The following ST6GALNAC5 variants were observed in gnomAD, a reference collection of about 807,000 sequenced individuals.
The protein encoded by ST6GALNAC5 is ST6 N-acetylgalactosaminide alpha-2,6-sialyltransferase 5.
Under a neutral mutation model 33.6 loss-of-function variants are expected in ST6GALNAC5, and 27 were observed. The observed-to-expected ratio is 0.80, with a 90% CI of 0.59 to 1.11. ST6GALNAC5 has a LOEUF of 1.11. Among genes scored for constraint, ST6GALNAC5 ranks in the 50% least tolerant of loss-of-function variants. ST6GALNAC5 has a pLI of 0.00. For synonymous variants in ST6GALNAC5, 194 were observed against 171.2 expected (o/e 1.13, Z -1.04); for missense variants, 428 against 454.0 (o/e 0.94, Z 0.52).
chr1:76,972,203 G>A (rs1484700666), intron 2 of ST6GALNAC5, among the ~76,000 whole-genome samples: 1 of 152,184 alleles, frequency 6.6e-6, no homozygotes, highest in Non-Finnish European at 1.5e-5. Flanking sequence ...CAGCAGGCAA[G>A]AAGAGAGCGT....
At chr1:77,051,602 A>C (rs1459709446) in intron 4 of ST6GALNAC5, among the ~76,000 whole-genome samples, 2 of 152,212 alleles carry the variant, frequency 1.3e-5, no homozygotes, top group Non-Finnish European at 2.9e-5. Context: ...AATACATGTG[A>C]AATGCTTGGA....
intron 2 of ST6GALNAC5, among the ~76,000 whole-genome samples, chr1:76,870,244 A>G (rs925190579): frequency 6.6e-6 from 1 of 152,176 alleles, no homozygotes; most frequent in Non-Finnish European, 1.5e-5. Context: ...GAGTTCTAGG[A>G]AAGTTTAGAC....
At chr1:76,900,491 T>C (rs928725885) in intron 2 of ST6GALNAC5, among the ~76,000 whole-genome samples, 3 of 152,208 alleles carry the variant, frequency 2.0e-5, no homozygotes, top group African/African-American at 7.2e-5. Flanking sequence ...AAACATTTAA[T>C]GTTATCCCAG....
chr1:77,002,884 A>G (rs1650233170), intron 2 of ST6GALNAC5, among the ~76,000 whole-genome samples: 1 of 123,922 alleles, frequency 8.1e-6, no homozygotes, highest in African/African-American at 3.1e-5. Flanking sequence ...GTTCTTTTAC[A>G]TTTGCTGAGG....
At chr1:76,872,977 C>A (rs954044923) in intron 2 of ST6GALNAC5, among the ~76,000 whole-genome samples, 4 of 152,184 alleles carry the variant, frequency 2.6e-5, no homozygotes, top group Admixed American at 6.5e-5. Context: ...AAATACTTAA[C>A]CTTCCTTAAA....
chr1:76,984,634 A>G (rs1649405101), intron 2 of ST6GALNAC5, among the ~76,000 whole-genome samples: 1 of 152,238 alleles, frequency 6.6e-6, no homozygotes, highest in Non-Finnish European at 1.5e-5. Flanking sequence ...TAATCAATAG[A>G]AAAAGAGGGA....
chr1:77,047,559 A>G (rs996873584), intron 3 of ST6GALNAC5, among the ~76,000 whole-genome samples: 8 of 152,246 alleles, frequency 5.3e-5, no homozygotes, highest in Non-Finnish European at 7.3e-5. Flanking sequence ...AAAGTGGCTC[A>G]GGAACAATCT....
intron 2 of ST6GALNAC5, among the ~76,000 whole-genome samples, chr1:76,973,850 A>G (rs1236707225): frequency 6.6e-6 from 1 of 152,164 alleles, no homozygotes; most frequent in East Asian, 1.9e-4. Context: ...TAAGATGCCA[A>G]CCTTTTCCTA....
At chr1:76,935,236 G>A (rs778759807) in intron 2 of ST6GALNAC5, among the ~76,000 whole-genome samples, 3 of 151,922 alleles carry the variant, frequency 2.0e-5, no homozygotes, top group South Asian at 2.1e-4. Flanking sequence ...AATAAATAAC[G>A]ACAGTGTGTC....
intron 2 of ST6GALNAC5, among the ~76,000 whole-genome samples, chr1:76,944,498 C>T (rs914096851): frequency 6.6e-6 from 1 of 152,018 alleles, no homozygotes; most frequent in Admixed American, 6.6e-5. Context: ...ATTTATTCTG[C>T]AACTTCTCCC....
At chr1:77,048,074 A>G (rs906873266) in intron 3 of ST6GALNAC5, among the ~76,000 whole-genome samples, 2 of 152,216 alleles carry the variant, frequency 1.3e-5, no homozygotes, top group African/African-American at 4.8e-5. Context: ...GTTACTTTAA[A>G]GAACTCTTCA....
intron 2 of ST6GALNAC5, among the ~76,000 whole-genome samples, chr1:76,984,570 A>G (rs667229): frequency 0.75 from 114,334 of 152,076 alleles, 43,346 homozygotes; most frequent in East Asian, 0.93. Context: ...ATTCACAGCC[A>G]AATTCTATTA....
At chr1:76,886,477 G>A (rs1342207066) in intron 2 of ST6GALNAC5, among the ~76,000 whole-genome samples, 1 of 152,136 alleles carries the variant, frequency 6.6e-6, no homozygotes, top group East Asian at 1.9e-4. Context: ...TCCCATGACG[G>A]CCAGCTGGCA....
chr1:77,029,858 A>G (rs1247127453), intron 2 of ST6GALNAC5, among the ~76,000 whole-genome samples: 1 of 152,202 alleles, frequency 6.6e-6, no homozygotes, highest in East Asian at 1.9e-4. Context: ...GAAGGTTCCA[A>G]ATTGATTTTA....
chr1:77,038,247 T>A (rs1212495161), intron 2 of ST6GALNAC5, among the ~76,000 whole-genome samples: 1 of 152,014 alleles, frequency 6.6e-6, no homozygotes, highest in African/African-American at 2.4e-5. Flanking sequence ...GGGCTTGTCA[T>A]AGAACAAAAA....
intron 2 of ST6GALNAC5, among the ~76,000 whole-genome samples, chr1:76,875,226 C>A (rs570190261): frequency 6.6e-6 from 1 of 152,310 alleles, no homozygotes; most frequent in South Asian, 2.1e-4. Context: ...CTTCAGCAAG[C>A]ACCTCAGCAG....
intron 2 of ST6GALNAC5, among the ~76,000 whole-genome samples, chr1:77,026,791 C>CTGAATGAATGAA (rs58272106): frequency 7.0e-4 from 105 of 149,304 alleles, no homozygotes; most frequent in Non-Finnish European, 9.8e-4. Context: ...AGAACACTTT[C>CTGAATGAATGAA]TGAATGAATG....
At chr1:76,949,773 G>A (rs1647672579) in intron 2 of ST6GALNAC5, among the ~76,000 whole-genome samples, 1 of 152,108 alleles carries the variant, frequency 6.6e-6, no homozygotes, top group Non-Finnish European at 1.5e-5. Context: ...TCACCTCTGG[G>A]ACTTGTTGAC....
At chr1:76,922,935 CAAA>C (rs552411649) in intron 2 of ST6GALNAC5, among the ~76,000 whole-genome samples, 4 of 93,360 alleles carry the variant, frequency 4.3e-5, no homozygotes, top group Admixed American at 1.2e-4. Context: ...AACCTTGCCT[CAAA>C]AAAAAAAAAA....
Sources: gnomAD v4.1 joint callset for allele counts (sites outside exome capture counted in the v4.1 genomes callset) on GRCh38, gnomAD v4.1.1 for gene constraint, MANE v1.5 for transcripts, NCBI Gene and HGNC (gene_info 2026-07-23, HGNC 2026-07-21) for gene names.